UGT8: variants seen among roughly 807,000 people sequenced by gnomAD.
UGT8 encodes the protein UDP glycosyltransferase 8, also known as 2-hydroxyacylsphingosine 1-beta-galactosyltransferase.
In UGT8, 12 loss-of-function variants were observed where a neutral mutation model predicts 40.5. The observed-to-expected ratio is 0.30, with a 90% CI of 0.19 to 0.48. UGT8 has a LOEUF of 0.48. Among genes scored for constraint, UGT8 ranks in the 20% least tolerant of loss-of-function variants. The pLI is 0.99. For missense variants in UGT8, 513 were observed against 648.7 expected, an observed-to-expected ratio of 0.79 and a Z score of 2.27; for synonymous variants, 224 against 240.4, an observed-to-expected ratio of 0.93 and a Z score of 0.63.
At chr4:114,640,690 G>A (rs556853167) in intron 2 of UGT8, among the ~76,000 whole-genome samples, 4 of 152,236 alleles carry the variant, frequency 2.6e-5, no homozygotes, top group East Asian at 1.9e-4. Flanking sequence ...CATGGTGGAA[G>A]GCAAAGAAGG....
chr4:114,663,260 G>C (rs553647191), intron 2 of UGT8, among the ~76,000 whole-genome samples: 1 of 152,164 alleles, frequency 6.6e-6, no homozygotes, highest in South Asian at 2.1e-4. Context: ...GGGTCTATGA[G>C]ATATAACTGT....
At chr4:114,600,176 G>C (rs1730358703) in intron 1 of UGT8, among the ~76,000 whole-genome samples, 1 of 152,092 alleles carries the variant, frequency 6.6e-6, no homozygotes, top group African/African-American at 2.4e-5. Flanking sequence ...GGCGTGCTCT[G>C]GAGAATCACC....
rs554551046 is a variant in UGT8, at chr4:114,613,019, A to G, written c.-2-9860A>G. ...TTTTCCCAGTAAGTTTTAGAATAGT[A>G]AGGGATATTTTAAATTATCAAATTT... On this transcript the variant is annotated intron_variant, in intron 1 of 5. Coordinates refer to ENST00000310836, the MANE Select transcript of UGT8 (RefSeq NM_001128174.3). 1.6e-4 allele frequency among the ~76,000 whole-genome samples: 25 copies of G among 152,284 alleles called. No homozygotes were observed. The South Asian group carries it at 2.9e-3, about 18-fold the overall frequency.
At chr4:114,660,563 T>C (rs958308467) in intron 2 of UGT8, among the ~76,000 whole-genome samples, 1 of 152,194 alleles carries the variant, frequency 6.6e-6, no homozygotes, top group Non-Finnish European at 1.5e-5. Context: ...AATTATTTTG[T>C]TGATTTTTAA....
chr4:114,640,335 T>A (rs891388022), intron 2 of UGT8, among the ~76,000 whole-genome samples: 2 of 152,120 alleles, frequency 1.3e-5, no homozygotes, highest in Non-Finnish European at 2.9e-5. Context: ...CGGCCAAAAA[T>A]ATGTTTTTTA....
intron 5 of UGT8, among the ~76,000 whole-genome samples, chr4:114,672,674 G>A (rs576824139): frequency 6.6e-6 from 1 of 152,174 alleles, no homozygotes; most frequent in African/African-American, 2.4e-5. Flanking sequence ...TGGGGGTAGA[G>A]GGTGAGGGGA....
intron 1 of UGT8, among the ~76,000 whole-genome samples, chr4:114,608,801 A>G (rs1254264111): frequency 6.6e-6 from 1 of 152,146 alleles, no homozygotes; most frequent in Non-Finnish European, 1.5e-5. Flanking sequence ...TTTATTTTGT[A>G]TTTACATTTC....
At chr4:114,671,681 T>G (rs1190916244) in intron 5 of UGT8, among the ~76,000 whole-genome samples, 1 of 152,192 alleles carries the variant, frequency 6.6e-6, no homozygotes, top group Non-Finnish European at 1.5e-5. Flanking sequence ...TAACTCAAGA[T>G]GGATTAAAGA....
At chr4:114,642,892 CTG>C (rs770720117) in intron 2 of UGT8, among the ~76,000 whole-genome samples, 47 of 152,214 alleles carry the variant, frequency 3.1e-4, no homozygotes, top group Middle Eastern at 3.4e-3. Flanking sequence ...CTGTGGGTCT[CTG>C]AGATCAACTA....
Position 114,677,244 on chromosome 4 carries a change from G to A in UGT8, c.*956G>A, listed in dbSNP as rs1735715498. The stretch of plus-strand genomic sequence containing the variant: ...ATGGCTTTTCTATAATGTAATTTTT[G>A]AATGTTCAGGTGTTACATTTCCAAA... On this transcript the variant is annotated 3_prime_UTR_variant, in exon 6 of 6. Transcript: ENST00000310836. The A allele has an allele frequency of 6.6e-6, 1 of 152,054 alleles. No homozygotes were observed. Among genetic ancestry groups the A allele is most frequent in the Admixed American group, 6.6e-5 (1 of 15,254 alleles). 9.4% of individuals were successfully genotyped at this position (152,054 alleles called of 1,614,324 possible).
intron 2 of UGT8, among the ~76,000 whole-genome samples, chr4:114,631,847 C>G (rs777542401): frequency 1.3e-5 from 2 of 152,134 alleles, no homozygotes; most frequent in African/African-American, 4.8e-5. Flanking sequence ...GTAAATTGCA[C>G]CCAAACAAAT....
intron 2 of UGT8, among the ~76,000 whole-genome samples, chr4:114,648,942 A>C (rs1336597433): frequency 3.3e-5 from 5 of 152,222 alleles, no homozygotes; most frequent in African/African-American, 1.2e-4. Context: ...GATGGAGGGC[A>C]CTGGACTAGA....
intron 3 of UGT8, 159 bp from the exon 4 acceptor site, chr4:114,665,517 AACTT>A: frequency 2.1e-6 from 2 of 956,540 alleles, no homozygotes; most frequent in Non-Finnish European, 2.5e-6. Context: ...ATTAAAAAGA[AACTT>A]AATCAAATAT....
chr4:114,626,037 A>G (rs1393427164), intron 2 of UGT8, among the ~76,000 whole-genome samples: 2 of 152,140 alleles, frequency 1.3e-5, no homozygotes, highest in Non-Finnish European at 2.9e-5. Flanking sequence ...ATAGATAAGT[A>G]TATTATTATT....
At chr4:114,649,731 G>A (rs547901888) in intron 2 of UGT8, among the ~76,000 whole-genome samples, 23 of 151,994 alleles carry the variant, frequency 1.5e-4, no homozygotes, top group Non-Finnish European at 2.6e-4. Context: ...CAGTATGCCC[G>A]GCTAAAAGTT....
rs1301675828 is a variant in UGT8 at position 114,678,163 on chromosome 4, A to T, written c.*1875A>T. The T allele has an allele frequency of 1.3e-5, 2 of 152,248 alleles. No homozygotes were observed. Among genetic ancestry groups the T allele is most frequent in the African/African-American group, 4.8e-5 (2 of 41,476 alleles). The allele number at this position is 152,248 out of a possible 1,614,324, so 9.4% of individuals were successfully genotyped here. A position where few individuals can be genotyped will look rare whatever the true frequency, so the allele number is the denominator to read the frequency against. On this transcript the variant is annotated 3_prime_UTR_variant, in exon 6 of 6. Coordinates refer to ENST00000310836, the MANE Select transcript of UGT8 (RefSeq NM_001128174.3). ...GTTGACAGTAGGCACTGATTGGATGATTAAACATAAGTTAATCTCCACTGT... is the reference window on the plus strand; with the variant it reads ...GTTGACAGTAGGCACTGATTGGATGTTTAAACATAAGTTAATCTCCACTGT...
At chr4:114,644,116 G>C (rs530413750) in intron 2 of UGT8, among the ~76,000 whole-genome samples, 1 of 152,224 alleles carries the variant, frequency 6.6e-6, no homozygotes, top group South Asian at 2.1e-4. Flanking sequence ...TTTCTCTCTT[G>C]AGAAATAGTT....
intron 3 of UGT8, among the ~76,000 whole-genome samples, chr4:114,664,863 C>T (rs1368324492): frequency 6.6e-6 from 1 of 152,170 alleles, no homozygotes; most frequent in Non-Finnish European, 1.5e-5. Context: ...AGAAAGTGCC[C>T]CTTAAGCCAT....
At chr4:114,648,563 A>C (rs1733721106) in intron 2 of UGT8, among the ~76,000 whole-genome samples, 1 of 152,152 alleles carries the variant, frequency 6.6e-6, no homozygotes, top group South Asian at 2.1e-4. Flanking sequence ...GAATATATTT[A>C]TGAGGAACAA....
Sources: gnomAD v4.1 joint callset for allele counts (sites outside exome capture counted in the v4.1 genomes callset) on GRCh38, gnomAD v4.1.1 for gene constraint, MANE v1.5 for transcripts, NCBI Gene and HGNC (gene_info 2026-07-23, HGNC 2026-07-21) for gene names.